Variants in ABLIM2 observed in about 807,000 individuals in gnomAD.
ABLIM2 encodes actin-binding LIM protein 2.
In ABLIM2, 53 loss-of-function variants were observed where a neutral mutation model predicts 97.7. The ratio of observed to expected loss-of-function variants is 0.54; its 90% CI spans 0.44 to 0.68. ABLIM2 has a LOEUF of 0.68. Among genes scored for constraint, ABLIM2 ranks in the 30% least tolerant of loss-of-function variants. The pLI is 0.00. For missense variants in ABLIM2, 835 were observed against 867.2 expected (o/e 0.96, Z 0.47); for synonymous variants, 361 against 345.8 (o/e 1.04, Z -0.49).
chr4:8,027,483 G>A lies in ABLIM2; in HGVS notation c.1267+276C>T, dbSNP rs549881818. 6.6e-5 allele frequency among the ~76,000 whole-genome samples: 10 copies of A among 152,220 alleles called. No individual in the cohort carries two copies. The South Asian group carries it at 2.1e-3, about 31-fold the overall frequency. ...TAGGGGTTCTGAGGACAAAGCCTGT[G>A]GGCGGGTGTGCAGGAACCCGGGTCC... On this transcript the variant is annotated intron_variant, in intron 12 of 20. Transcript: ENST00000447017.
At position 8,099,588 on chromosome 4, in the gene ABLIM2, G is replaced by A. The variant is rs534997943; in HGVS notation, c.155-2306C>T. On this transcript the variant is annotated intron_variant, in intron 2 of 20. Transcript: ENST00000447017. Reference sequence around the variant, plus strand: ...TGACTGGGCACGGTGGCTCACACCCGTAATCCCAACACTTTGGGAGGCTGA... The same window carrying A: ...TGACTGGGCACGGTGGCTCACACCCATAATCCCAACACTTTGGGAGGCTGA... Among the ~76,000 whole-genome samples, 111 of 152,254 alleles carry A rather than the reference G, an allele frequency of 7.3e-4. 1 individual carries two copies. Among genetic ancestry groups the A allele is most frequent in the Non-Finnish European group, 6.5e-4 (44 of 68,016 alleles).
intron 1 of ABLIM2, among the ~76,000 whole-genome samples, chr4:8,138,025 T>C (rs999238459): frequency 4.6e-5 from 7 of 152,184 alleles, no homozygotes; most frequent in African/African-American, 1.7e-4. Context: ...ATGACATGGA[T>C]GACCCTTGAA....
chr4:8,103,792 G>A (rs1302779083), intron 2 of ABLIM2, among the ~76,000 whole-genome samples: 2 of 152,236 alleles, frequency 1.3e-5, no homozygotes, highest in Admixed American at 6.5e-5. Flanking sequence ...CTATGAGTCC[G>A]CTGGGTCACA....
chr4:8,073,808 T>C (rs1813996172), intron 6 of ABLIM2, among the ~76,000 whole-genome samples: 1 of 152,000 alleles, frequency 6.6e-6, no homozygotes, highest in Admixed American at 6.6e-5. Flanking sequence ...TGACAAAAGG[T>C]TGGGCATGGT....
At position 8,122,323 on chromosome 4, in the gene ABLIM2, A is replaced by T. The variant is rs951955257; in HGVS notation, c.11-15686T>A. ...CCTCGGCTCCCATCCTCCATTTCCC[A>T]GGGGACACCCTCTGTCCTGGTCCAT... On this transcript the variant is annotated intron_variant, in intron 1 of 20. Coordinates refer to ENST00000447017, the MANE Select transcript of ABLIM2 (RefSeq NM_001130083.2). This position sits in a 1 kb window ranked among gnomAD's most constrained non-coding sequence, Gnocchi z 4.1. Among the ~76,000 whole-genome samples, 3 of 152,148 alleles carry T rather than the reference A, an allele frequency of 2.0e-5. No individual in the cohort carries two copies. The highest frequency in any genetic ancestry group is 7.2e-5 in the African/African-American group (3 of 41,430).
At chr4:8,038,660 A>C (rs1390167639) in intron 9 of ABLIM2, among the ~76,000 whole-genome samples, 1 of 152,108 alleles carries the variant, frequency 6.6e-6, no homozygotes, top group Non-Finnish European at 1.5e-5. Flanking sequence ...GTGAACCCTG[A>C]CATTTGTGAT....
intron 2 of ABLIM2, 50 bp from the exon 3 acceptor site, chr4:8,097,332 A>C: frequency 1.3e-6 from 2 of 1,543,640 alleles, no homozygotes; most frequent in South Asian, 1.2e-5. Flanking sequence ...GACCATCTCC[A>C]CGTCCCCCAG....
chr4:8,090,123 T>C (rs13136604), intron 3 of ABLIM2, among the ~76,000 whole-genome samples: 66,484 of 152,030 alleles, frequency 0.44, 15,457 homozygotes, highest in African/African-American at 0.58. Context: ...GGCCCTCCCC[T>C]CCCATCCACT....
At chr4:7,971,988 T>G (rs1013261649) in intron 20 of ABLIM2, among the ~76,000 whole-genome samples, 1 of 152,132 alleles carries the variant, frequency 6.6e-6, no homozygotes, top group African/African-American at 2.4e-5. Flanking sequence ...TCACACTGCC[T>G]TGGCCTGCAC....
At chr4:8,129,710 T>C (rs1849092467) in intron 1 of ABLIM2, among the ~76,000 whole-genome samples, 1 of 151,202 alleles carries the variant, frequency 6.6e-6, no homozygotes, top group Non-Finnish European at 1.5e-5. Flanking sequence ...CCAGTGGGGC[T>C]GGGAGCAGAG....
rs1847558363 is a variant in ABLIM2 at position 8,125,699 on chromosome 4, A to G, written c.11-19062T>C. On this transcript the variant is annotated intron_variant, in intron 1 of 20. Transcript: ENST00000447017. This position sits in a 1 kb window ranked among gnomAD's most constrained non-coding sequence, Gnocchi z 6.2. ...TGGTGGAAGCACAGTGGGCCTGAGA[A>G]GGCATCGCAGACTCAGCTGAGCTGG... Among the ~76,000 whole-genome samples, 1 of 152,202 alleles carries G rather than the reference A, an allele frequency of 6.6e-6. No individual in the cohort carries two copies.
Position 8,061,188 on chromosome 4 carries a change from C to A in ABLIM2, c.676-134G>T. 1.3e-6 allele frequency: 1 copy of A among 766,856 alleles called. No individual in the cohort carries two copies. Among genetic ancestry groups the A allele is most frequent in the East Asian group, 2.9e-5 (1 of 33,912 alleles). 47.5% of individuals were successfully genotyped at this position (766,856 alleles called of 1,614,324 possible). A position where few individuals can be genotyped will look rare whatever the true frequency, so the allele number is the denominator to read the frequency against. On this transcript the variant is annotated intron_variant, in intron 6 of 20. Transcript: ENST00000447017. The surrounding 1 kb of genome is among the most constrained non-coding windows in gnomAD (Gnocchi z 4.5). ...TACTGGAAGGGCCAGCCCCCACCAT[C>A]GGGACCCAAGACCCCTGAGCAGAGC...
intron 20 of ABLIM2, among the ~76,000 whole-genome samples, chr4:7,976,963 G>A (rs1047118161): frequency 1.3e-5 from 2 of 151,786 alleles, no homozygotes; most frequent in Admixed American, 6.6e-5. Flanking sequence ...ACACAGTCAC[G>A]TGTATACACA....
intron 9 of ABLIM2, among the ~76,000 whole-genome samples, chr4:8,037,427 A>T (rs1405929283): frequency 6.6e-6 from 1 of 151,954 alleles, no homozygotes; most frequent in African/African-American, 2.4e-5. Context: ...GAGACTGTGG[A>T]GGTATAGACC....
At chr4:8,094,768 G>T (rs1376004039) in intron 3 of ABLIM2, among the ~76,000 whole-genome samples, 1 of 152,144 alleles carries the variant, frequency 6.6e-6, no homozygotes, top group Non-Finnish European at 1.5e-5. Context: ...CTCCCTTATT[G>T]CTACTGACTT....
chr4:7,967,826 T>C (rs1442381360), intron 20 of ABLIM2, among the ~76,000 whole-genome samples: 3 of 152,216 alleles, frequency 2.0e-5, no homozygotes, highest in African/African-American at 7.2e-5. Flanking sequence ...ACCCTGGAGC[T>C]GTGGGGAGGA....
rs554884283 is a variant in ABLIM2, at chr4:8,121,819, C to T, written c.11-15182G>A. Among the ~76,000 whole-genome samples the T allele has an allele frequency of 4.6e-4, 70 of 152,300 alleles. 1 individual carries two copies. The highest frequency in any genetic ancestry group is 1.4e-3 in the Admixed American group (21 of 15,296). ...TGGATGGGGGGGTGATGATGAATAACCCATGTCACATCATCTTTCAGTTCC... is the reference window on the plus strand; with the variant it reads ...TGGATGGGGGGGTGATGATGAATAATCCATGTCACATCATCTTTCAGTTCC... On this transcript the variant is annotated intron_variant, in intron 1 of 20. Transcript: ENST00000447017.
In ABLIM2 at chr4:8,150,047, A is replaced by C. The variant is rs1464078589; in HGVS notation, c.10+8633T>G. 6.6e-6 allele frequency among the ~76,000 whole-genome samples: 1 copy of C among 151,088 alleles called. No homozygotes were observed. Among genetic ancestry groups the C allele is most frequent in the African/African-American group, 2.4e-5 (1 of 41,018 alleles). ...GTAAACCACCTGCACCCAAGTTCCCACTGCACCTACTCAGGGAGCCTAAAT... is the reference window on the plus strand; with the variant it reads ...GTAAACCACCTGCACCCAAGTTCCCCCTGCACCTACTCAGGGAGCCTAAAT... On this transcript the variant is annotated intron_variant, in intron 1 of 20. Coordinates refer to ENST00000447017, the MANE Select transcript of ABLIM2 (RefSeq NM_001130083.2). This position sits in a 1 kb window ranked among gnomAD's most constrained non-coding sequence, Gnocchi z 6.3.
chr4:7,967,081 A>G lies in ABLIM2; in HGVS notation c.1847T>C (p.Phe616Ser). The G allele has an allele frequency of 6.2e-7, 1 of 1,613,788 alleles. No homozygotes were observed. Among genetic ancestry groups the G allele is most frequent in the East Asian group, 2.2e-5 (1 of 44,870 alleles). ...RLERHLSPEE[F>S]QEVFGMSIEE... Reference sequence around the variant, plus strand: ...GATGCTCATCCCAAACACTTCCTGGAACTCCTCGGGCGACAAGTGTCTCTT... The same window carrying G: ...GATGCTCATCCCAAACACTTCCTGGGACTCCTCGGGCGACAAGTGTCTCTT... Residue 616 changes from phenylalanine to serine, a missense_variant, in exon 21 of 21, where the codon TTC becomes TCC. Physicochemically the swap from Phe to Ser is radical, Grantham distance 155 (BLOSUM62 -2). Transcript: ENST00000447017.
Sources: gnomAD v4.1 joint callset for allele counts (sites outside exome capture counted in the v4.1 genomes callset) on GRCh38, gnomAD v4.1.1 for gene constraint, Gnocchi (gnomAD v3.1) non-coding constraint, MANE v1.5 for transcripts, NCBI Gene and HGNC (gene_info 2026-07-23, HGNC 2026-07-21) for gene names.